Variants in CIMAP1B observed in about 807,000 individuals in gnomAD.
CIMAP1B encodes ciliary microtubule associated protein 1B, also known as orf2 5' to PD-ECGF/TP.
the CIMAP1B span, chr22:50,530,812 A>G: frequency 6.2e-7 from 1 of 1,603,484 alleles, no homozygotes; most frequent in African/African-American, 1.3e-5. Flanking sequence ...GGACTTGTAG[A>G]CCCCTGGACT....
chr22:50,531,607 G>A, the CIMAP1B span: 1 of 1,408,960 alleles, frequency 7.1e-7, no homozygotes, highest in African/African-American at 1.5e-5. Context: ...AGCGGCGTGG[G>A]CGGCCGTAGA....
At chr22:50,530,955 G>T in the CIMAP1B span, 1 of 1,611,304 alleles carries the variant, frequency 6.2e-7, no homozygotes, top group Non-Finnish European at 8.5e-7. Flanking sequence ...GGTCCTCGAA[G>T]AAACTGCCAG....
the CIMAP1B span, chr22:50,531,582 T>C: frequency 7.1e-7 from 1 of 1,399,736 alleles, no homozygotes; most frequent in Non-Finnish European, 9.2e-7. Context: ...GGTCCCGGAG[T>C]GAGGAAGGGC....
At chr22:50,531,216 A>G in the CIMAP1B span, 7 of 1,612,824 alleles carry the variant, frequency 4.3e-6, no homozygotes, top group South Asian at 3.3e-5. Flanking sequence ...CCGCCTGGAC[A>G]CCCCAGTTTC....
the CIMAP1B span, chr22:50,531,537 C>A: frequency 2.9e-6 from 4 of 1,388,840 alleles, no homozygotes; most frequent in Non-Finnish European, 3.7e-6. Flanking sequence ...GGCAGTTCGG[C>A]GTTGGGGTGG....
the CIMAP1B span, chr22:50,530,576 C>G: frequency 1.3e-6 from 2 of 1,577,136 alleles, no homozygotes; most frequent in East Asian, 2.3e-5. Flanking sequence ...GGCCCGGAGA[C>G]ACCGCTGACC....
the CIMAP1B span, chr22:50,531,756 G>C: frequency 7.3e-7 from 1 of 1,372,912 alleles, no homozygotes; most frequent in African/African-American, 1.5e-5. Flanking sequence ...GGCCGCGACG[G>C]GTCATGCAGG....
the CIMAP1B span, chr22:50,531,625 G>A: frequency 7.2e-7 from 1 of 1,392,890 alleles, no homozygotes; most frequent in Non-Finnish European, 9.3e-7. Flanking sequence ...AGATGGAGTA[G>A]GCGGGGGCGC....
At chr22:50,532,039 G>GT in the CIMAP1B span, 1 of 1,346,624 alleles carries the variant, frequency 7.4e-7, no homozygotes, top group Non-Finnish European at 9.6e-7. Flanking sequence ...CGCGGGGCCG[G>GT]TGTGGCCGCC....
At chr22:50,532,426 T>G in the CIMAP1B span, 1 of 208,026 alleles carries the variant, frequency 4.8e-6, no homozygotes, top group Non-Finnish European at 9.5e-6. Context: ...TGGGAAAGGG[T>G]GCCCCGGGAA....
the CIMAP1B span, chr22:50,532,162 A>C: frequency 1.5e-6 from 2 of 1,302,736 alleles, no homozygotes; most frequent in Non-Finnish European, 2.0e-6. Flanking sequence ...ATTCTTGGGG[A>C]GCGCACTTTC....
At chr22:50,531,249 C>T in the CIMAP1B span, 2 of 1,611,890 alleles carry the variant, frequency 1.2e-6, no homozygotes, top group South Asian at 1.1e-5. Flanking sequence ...TGTGCCGAGG[C>T]GCACTGGGGT....
chr22:50,531,325 T>C, the CIMAP1B span: 1 of 1,542,266 alleles, frequency 6.5e-7, no homozygotes, highest in South Asian at 1.2e-5. Flanking sequence ...TGTGGGGGGC[T>C]AGAACTGCGT....
the CIMAP1B span, chr22:50,530,668 C>T: frequency 6.2e-7 from 1 of 1,602,430 alleles, no homozygotes. Flanking sequence ...TCAGGCCCTC[C>T]CCACTCTCCT....
chr22:50,530,429 G>A, the CIMAP1B span: 5 of 1,504,996 alleles, frequency 3.3e-6, no homozygotes, highest in Admixed American at 2.0e-5. Context: ...GACACGATGC[G>A]GACTCGCAGA....
At chr22:50,530,432 C>T in the CIMAP1B span, 31 of 1,524,576 alleles carry the variant, frequency 2.0e-5, no homozygotes, top group African/African-American at 3.2e-4. Flanking sequence ...ACGATGCGGA[C>T]TCGCAGACTT....
chr22:50,532,012 G>A, the CIMAP1B span: 1 of 1,361,082 alleles, frequency 7.3e-7, no homozygotes, highest in South Asian at 1.8e-5. Flanking sequence ...GGCCTCCGTA[G>A]TGCGCCGCGA....
chr22:50,531,587 A>G, the CIMAP1B span: 1 of 1,414,014 alleles, frequency 7.1e-7, no homozygotes. Flanking sequence ...CGGAGTGAGG[A>G]AGGGCGCTGA....
the CIMAP1B span, chr22:50,531,000 G>A: frequency 5.6e-6 from 9 of 1,611,110 alleles, no homozygotes; most frequent in Non-Finnish European, 7.6e-6. Flanking sequence ...AAGTTGGGGC[G>A]GAGACTTTGC....
Sources: allele counts gnomAD v4.1 joint callset, GRCh38; gene constraint gnomAD v4.1.1; transcripts MANE v1.5; gene names NCBI Gene and HGNC (gene_info 2026-07-23, HGNC 2026-07-21).